ARHGAP15: variants seen among roughly 807,000 people sequenced by gnomAD.
ARHGAP15 encodes the protein Rho GTPase activating protein 15.
ARHGAP15 carries 51 observed loss-of-function variants against 63.7 expected under a neutral mutation model. The observed-to-expected ratio is 0.80, with a 90% confidence interval of 0.64 to 1.01. The LOEUF (loss-of-function observed/expected upper bound fraction) is 1.01, where lower values mean the gene tolerates loss of function less well. Ranked by LOEUF, ARHGAP15 falls within the 50% of genes least tolerant of loss-of-function variation. The pLI, the probability that ARHGAP15 is intolerant of heterozygous loss-of-function variation, is 0.00. For synonymous variants in ARHGAP15, 191 were observed against 193.8 expected (o/e 0.99, Z 0.12); for missense variants, 560 against 564.6 (o/e 0.99, Z 0.08).
chr2:143,205,191 G>T (rs956285591), intron 3 of ARHGAP15, among the ~76,000 whole-genome samples: 1 of 151,398 alleles, frequency 6.6e-6, no homozygotes, highest in African/African-American at 2.4e-5. Flanking sequence ...TTAGGCTGAG[G>T]CAGGAGAATC....
intron 4 of ARHGAP15, among the ~76,000 whole-genome samples, chr2:143,224,796 G>C (rs935949306): frequency 6.6e-6 from 1 of 152,090 alleles, no homozygotes; most frequent in Non-Finnish European, 1.5e-5. Flanking sequence ...AAAGTAATTG[G>C]GTGAGAAAGC....
At chr2:143,569,024 G>A (rs1396276894) in intron 11 of ARHGAP15, among the ~76,000 whole-genome samples, 2 of 152,180 alleles carry the variant, frequency 1.3e-5, no homozygotes, top group African/African-American at 2.4e-5. Flanking sequence ...AGGATGGGGG[G>A]CAGGGGGAGG....
At chr2:143,640,213 G>A (rs1680539107) in intron 12 of ARHGAP15, among the ~76,000 whole-genome samples, 2 of 152,072 alleles carry the variant, frequency 1.3e-5, no homozygotes, top group Non-Finnish European at 2.9e-5. Context: ...TGTGCTTTGT[G>A]GTGGTTGTTT....
intron 6 of ARHGAP15, among the ~76,000 whole-genome samples, chr2:143,368,100 C>T (rs1251108695): frequency 6.6e-6 from 1 of 151,984 alleles, no homozygotes; most frequent in Admixed American, 6.6e-5. Flanking sequence ...TGCCTTCATG[C>T]ATATAATAAA....
At chr2:143,728,431 G>A (rs532190933) in intron 13 of ARHGAP15, among the ~76,000 whole-genome samples, 11 of 152,208 alleles carry the variant, frequency 7.2e-5, no homozygotes, top group Middle Eastern at 3.4e-3. Flanking sequence ...TTGGGGTGGG[G>A]TTAGGTGGGA....
chr2:143,231,707 T>A (rs907858535), intron 5 of ARHGAP15, among the ~76,000 whole-genome samples: 1 of 152,218 alleles, frequency 6.6e-6, no homozygotes, highest in Non-Finnish European at 1.5e-5. Flanking sequence ...AAAGTACCAA[T>A]GGCTGGGTGG....
At chr2:143,465,561 T>A (rs1245498999) in intron 8 of ARHGAP15, among the ~76,000 whole-genome samples, 1 of 152,160 alleles carries the variant, frequency 6.6e-6, no homozygotes, top group African/African-American at 2.4e-5. Context: ...ATATCTGTTG[T>A]ATTTATTTTA....
At chr2:143,703,575 G>A (rs894111234) in intron 13 of ARHGAP15, 51 bp downstream of exon 13, 5 of 1,406,696 alleles carry the variant, frequency 3.6e-6, no homozygotes, top group African/African-American at 1.5e-5. Context: ...TTTCCTAAAT[G>A]GGCAATATTG....
chr2:143,358,223 T>C (rs1284327900), intron 6 of ARHGAP15, among the ~76,000 whole-genome samples: 1 of 152,146 alleles, frequency 6.6e-6, no homozygotes, highest in Non-Finnish European at 1.5e-5. Flanking sequence ...AATCCCTCAC[T>C]GGACACGGAG....
At chr2:143,351,789 GGTAC>G (rs1685585608) in intron 6 of ARHGAP15, among the ~76,000 whole-genome samples, 1 of 151,968 alleles carries the variant, frequency 6.6e-6, no homozygotes, top group African/African-American at 2.4e-5. Context: ...GAACTACTCT[GGTAC>G]CCTGGAGCTT....
intron 6 of ARHGAP15, among the ~76,000 whole-genome samples, chr2:143,387,756 C>G (rs1349269541): frequency 6.6e-6 from 1 of 150,696 alleles, no homozygotes; most frequent in South Asian, 2.1e-4. Flanking sequence ...TGGGAAAAAA[C>G]AGAGTTCTTA....
At chr2:143,185,906 A>T (rs1394874022) in intron 2 of ARHGAP15, among the ~76,000 whole-genome samples, 1 of 152,126 alleles carries the variant, frequency 6.6e-6, no homozygotes, top group Non-Finnish European at 1.5e-5. Context: ...TTAGACCCCA[A>T]ATTAACTTCT....
At chr2:143,547,818 A>G (rs1207343168) in intron 10 of ARHGAP15, among the ~76,000 whole-genome samples, 1 of 152,078 alleles carries the variant, frequency 6.6e-6, no homozygotes, top group African/African-American at 2.4e-5. Flanking sequence ...ATTGTTTTCC[A>G]AGACTGAATC....
At chr2:143,604,447 A>G (rs1425243232) in intron 11 of ARHGAP15, among the ~76,000 whole-genome samples, 1 of 152,152 alleles carries the variant, frequency 6.6e-6, no homozygotes, top group African/African-American at 2.4e-5. Context: ...CAGCTTTACA[A>G]TGTTTATCAA....
chr2:143,319,990 C>T (rs1262953451), intron 6 of ARHGAP15, among the ~76,000 whole-genome samples: 1 of 146,482 alleles, frequency 6.8e-6, no homozygotes, highest in Non-Finnish European at 1.5e-5. Flanking sequence ...GTAAACATTT[C>T]TACTTATCTA....
At chr2:143,603,319 T>C (rs964727485) in intron 11 of ARHGAP15, among the ~76,000 whole-genome samples, 1 of 152,164 alleles carries the variant, frequency 6.6e-6, no homozygotes, top group African/African-American at 2.4e-5. Flanking sequence ...TTTTTAGACC[T>C]GAATCAGTCT....
chr2:143,756,579 C>T (rs142584465), intron 13 of ARHGAP15, among the ~76,000 whole-genome samples: 1 of 151,914 alleles, frequency 6.6e-6, no homozygotes, highest in African/African-American at 2.4e-5. Flanking sequence ...ATTAAGAATT[C>T]TTTTACTGCT....
intron 4 of ARHGAP15, among the ~76,000 whole-genome samples, chr2:143,217,950 G>A (rs1692822702): frequency 6.6e-6 from 1 of 152,108 alleles, no homozygotes; most frequent in Admixed American, 6.6e-5. Context: ...GAAAGCAGAA[G>A]GAGGTTCTAC....
chr2:143,727,636 A>C (rs1245355350), intron 13 of ARHGAP15, among the ~76,000 whole-genome samples: 5 of 152,178 alleles, frequency 3.3e-5, no homozygotes, highest in Admixed American at 6.5e-5. Flanking sequence ...CATGTTGGTA[A>C]GGCTCAGACA....
Sources: gnomAD v4.1 joint callset for allele counts (sites outside exome capture counted in the v4.1 genomes callset) on GRCh38, gnomAD v4.1.1 for gene constraint, MANE v1.5 for transcripts, NCBI Gene and HGNC (gene_info 2026-07-23, HGNC 2026-07-21) for gene names.